Variants in OTC observed in about 807,000 individuals in gnomAD.
The protein encoded by OTC is ornithine transcarbamylase.
Under a neutral mutation model 30.3 loss-of-function variants are expected in OTC, and 3 were observed. The ratio of observed to expected loss-of-function variants is 0.10; its 90% CI spans 0.05 to 0.26. The LOEUF is 0.26. OTC is among the 10% of genes least tolerant of loss of function. The probability of loss-of-function intolerance (pLI) is 1.00; values close to 1 mark genes in which losing one functional copy is unlikely to be tolerated. For synonymous variants in OTC, 111 were observed against 99.7 expected (o/e 1.11, Z -0.67); for missense variants, 194 against 260.3 (o/e 0.75, Z 1.75).
At chrX:38,398,723 C>T (rs973898471) in intron 4 of OTC, among the ~76,000 whole-genome samples, 1 of 111,326 alleles carries the variant, frequency 9.0e-6, no homozygotes, top group Non-Finnish European at 1.9e-5. Context: ...TCTACCTCCA[C>T]TTAAGTTACT....
chrX:38,409,046 G>A (rs2068530496), intron 8 of OTC, 21 bp downstream of exon 8: 1 of 1,201,210 alleles, frequency 8.3e-7, no homozygotes, highest in Admixed American at 2.2e-5. Context: ...ATGCCTCTCT[G>A]AAGGTTCATT....
At chrX:38,397,723 G>C (rs1275482068) in intron 4 of OTC, among the ~76,000 whole-genome samples, 3 of 111,498 alleles carry the variant, frequency 2.7e-5, no homozygotes, top group Non-Finnish European at 5.6e-5. Flanking sequence ...TTGATCCACT[G>C]TGTCACCCAG....
rs1422521003 is a variant in OTC at position 38,373,129 on chromosome X, C to CCAATGTAACTAATG, written c.298+3252_298+3253insCAATGTAACTAATG. The stretch of plus-strand genomic sequence containing the variant: ...TCTTACAGTGAGCAAACCATTGTAA[C>CCAATGTAACTAATG]TAACACCCAGATAGAGAAACAGAAT... On this transcript the variant is annotated intron_variant, in intron 3 of 9. Transcript: ENST00000039007. 4.4e-5 allele frequency among the ~76,000 whole-genome samples: 5 copies of CCAATGTAACTAATG among 112,380 alleles called. No homozygotes were observed. In the South Asian group the frequency reaches 1.8e-3, roughly 41 times the overall value.
chrX:38,357,046 C>A (rs1225780233), intron 1 of OTC, among the ~76,000 whole-genome samples: 2 of 111,044 alleles, frequency 1.8e-5, no homozygotes, highest in Non-Finnish European at 3.8e-5. Flanking sequence ...AAAGTTAGGC[C>A]ACTGAAAATT....
At chrX:38,374,437 G>T (rs2068336226) in intron 3 of OTC, among the ~76,000 whole-genome samples, 1 of 110,289 alleles carries the variant, frequency 9.1e-6, no homozygotes, top group South Asian at 3.8e-4. Flanking sequence ...CTTTTGGGCT[G>T]GGATCTGAGG....
the OTC span, among the ~76,000 whole-genome samples, chrX:38,340,874 G>A: frequency 9.1e-6 from 1 of 109,634 alleles, no homozygotes; most frequent in Non-Finnish European, 1.9e-5. Flanking sequence ...TCGACTCACT[G>A]CATCCTCTGC....
intron 9 of OTC, among the ~76,000 whole-genome samples, chrX:38,414,623 T>C (rs1159147474): frequency 8.9e-6 from 1 of 111,746 alleles, no homozygotes; most frequent in East Asian, 2.8e-4. Context: ...CCCAGTGTCC[T>C]CTCCCATGAA....
chrX:38,356,476 G>GA (rs982242212), intron 1 of OTC, among the ~76,000 whole-genome samples: 2 of 111,385 alleles, frequency 1.8e-5, no homozygotes, highest in Admixed American at 9.6e-5. Context: ...GAGTGAAAAG[G>GA]AAAAAAACTC....
chrX:38,395,153 A>G (rs1333413552), intron 4 of OTC, among the ~76,000 whole-genome samples: 1 of 110,206 alleles, frequency 9.1e-6, no homozygotes, highest in Non-Finnish European at 1.9e-5. Context: ...TTGTATTTTT[A>G]GTAGAGACGG....
chrX:38,386,463 C>T (rs146103327), intron 4 of OTC, among the ~76,000 whole-genome samples: 2 of 109,838 alleles, frequency 1.8e-5, no homozygotes, highest in African/African-American at 6.6e-5. Flanking sequence ...GCTCATTGCC[C>T]CCCACCTCCA....
intron 4 of OTC, among the ~76,000 whole-genome samples, chrX:38,396,994 C>T (rs1367453152): frequency 1.8e-5 from 2 of 110,890 alleles, no homozygotes; most frequent in Admixed American, 1.9e-4. Context: ...GTTTGGCTTA[C>T]AAATTATGTT....
the OTC span, among the ~76,000 whole-genome samples, chrX:38,343,195 A>G: frequency 8.9e-6 from 1 of 111,982 alleles, no homozygotes; most frequent in Non-Finnish European, 1.9e-5. Flanking sequence ...GTAGAAAGCA[A>G]TGAAAATGAT....
intron 9 of OTC, 48 bp downstream of exon 9, chrX:38,412,047 A>G: frequency 8.6e-7 from 1 of 1,167,789 alleles, no homozygotes; most frequent in Non-Finnish European, 1.2e-6. Context: ...TGTGGTTCCA[A>G]CTTGGTCATT....
At chrX:38,388,499 C>G (rs1198718867) in intron 4 of OTC, among the ~76,000 whole-genome samples, 1 of 108,949 alleles carries the variant, frequency 9.2e-6, no homozygotes, top group Non-Finnish European at 1.9e-5. Flanking sequence ...GAAGTGACCA[C>G]CTTCGCGTGA....
At chrX:38,377,876 C>A (rs1029074988) in intron 3 of OTC, among the ~76,000 whole-genome samples, 1 of 110,956 alleles carries the variant, frequency 9.0e-6, no homozygotes, top group African/African-American at 3.3e-5. Context: ...CTCACTCTCT[C>A]GCCCTGGCTG....
intron 9 of OTC, among the ~76,000 whole-genome samples, chrX:38,413,665 A>ATTTT (rs11397097): frequency 1.0e-5 from 1 of 97,195 alleles, no homozygotes. Flanking sequence ...TGGCACATCT[A>ATTTT]TTTTTTTTTT....
chrX:38,358,620 A>ATTTTTTT (rs1194488054), intron 1 of OTC, among the ~76,000 whole-genome samples: 4 of 88,318 alleles, frequency 4.5e-5, no homozygotes, highest in Admixed American at 1.3e-4. Context: ...CTGTGGTGGA[A>ATTTTTTT]TTTTTTTTTT....
chrX:38,422,265 T>C (rs1324575167), downstream of OTC, among the ~76,000 whole-genome samples: 1 of 112,008 alleles, frequency 8.9e-6, no homozygotes, highest in Non-Finnish European at 1.9e-5. Flanking sequence ...GAAGGTGCAA[T>C]AAAACATTTT....
chrX:38,376,295 A>C (rs748937691), intron 3 of OTC, among the ~76,000 whole-genome samples: 1 of 112,157 alleles, frequency 8.9e-6, no homozygotes, highest in Non-Finnish European at 1.9e-5. Flanking sequence ...AGAAATCTGT[A>C]TCTGTTTTTA....
Sources: gnomAD v4.1 joint callset for allele counts (sites outside exome capture counted in the v4.1 genomes callset) on GRCh38, gnomAD v4.1.1 for gene constraint, MANE v1.5 for transcripts, NCBI Gene and HGNC (gene_info 2026-07-23, HGNC 2026-07-21) for gene names.